Variants in PCCA observed in about 807,000 individuals in gnomAD.
PCCA encodes propionyl-CoA carboxylase subunit alpha, also known as propionyl-CoA carboxylase alpha chain, mitochondrial.
PCCA carries 74 observed loss-of-function variants against 101.3 expected under a neutral mutation model. That is an observed-to-expected ratio of 0.73 (90% CI 0.61 to 0.89). The LOEUF (loss-of-function observed/expected upper bound fraction) is 0.89. Ranked by LOEUF, PCCA falls within the 40% of genes least tolerant of loss-of-function variation. The probability of loss-of-function intolerance (pLI) is 0.00; values close to 1 mark genes in which losing one functional copy is unlikely to be tolerated. For missense variants in PCCA, 891 were observed against 907.0 expected (o/e 0.98, Z 0.23); for synonymous variants, 294 against 313.6 (o/e 0.94, Z 0.66).
intron 16 of PCCA, among the ~76,000 whole-genome samples, chr13:100,314,400 G>C (rs2067167408): frequency 6.6e-6 from 1 of 152,064 alleles, no homozygotes; most frequent in African/African-American, 2.4e-5. Flanking sequence ...TGACTAGGTA[G>C]GCATGATTGA....
intron 12 of PCCA, among the ~76,000 whole-genome samples, chr13:100,300,553 TA>T (rs1004373618): frequency 6.6e-6 from 1 of 152,204 alleles, no homozygotes; most frequent in African/African-American, 2.4e-5. Flanking sequence ...ACTTAATTTT[TA>T]TGAGAAAAAA....
chr13:100,257,468 T>C, intron 8 of PCCA, 127 bp from the exon 9 acceptor site: 1 of 752,156 alleles, frequency 1.3e-6, no homozygotes, highest in Non-Finnish European at 2.3e-6. Flanking sequence ...TTCCTGACTC[T>C]AAAGAAAGGA....
At chr13:100,278,757 C>T (rs573532391) in intron 12 of PCCA, among the ~76,000 whole-genome samples, 4 of 152,250 alleles carry the variant, frequency 2.6e-5, no homozygotes, top group East Asian at 1.9e-4. Context: ...GTATTACAGG[C>T]GTGAGCCTCC....
intron 19 of PCCA, among the ~76,000 whole-genome samples, chr13:100,415,796 G>C (rs939199035): frequency 6.6e-6 from 1 of 152,142 alleles, no homozygotes; most frequent in African/African-American, 2.4e-5. Flanking sequence ...ATTGTTTTTG[G>C]AAATAGTTTT....
At chr13:100,151,064 C>T (rs879136089) in intron 4 of PCCA, 7 of 1,554,472 alleles carry the variant, frequency 4.5e-6, no homozygotes, top group South Asian at 4.5e-5. Flanking sequence ...CTGCTTTCTC[C>T]GTAGCTCCTG....
intron 21 of PCCA, among the ~76,000 whole-genome samples, chr13:100,462,952 T>C (rs1248358159): frequency 6.6e-6 from 1 of 152,158 alleles, no homozygotes; most frequent in Non-Finnish European, 1.5e-5. Context: ...AGTTTTTCAG[T>C]GTTTATAGCT....
In PCCA at chr13:100,163,817, C is replaced by T. The variant is rs1167964756; in HGVS notation, c.468+6477C>T. On this transcript the variant is annotated intron_variant, in intron 6 of 23. Transcript: ENST00000376285. ...TCTCCCCTTTTTTTCCTTCTGTTTT[C>T]CTTTTCTGACTTGGATTATTTTAGT... 2.6e-5 allele frequency among the ~76,000 whole-genome samples: 4 copies of T among 151,978 alleles called. No homozygotes were observed. The East Asian group carries it at 7.7e-4, about 29-fold the overall frequency.
At chr13:100,438,618 A>G (rs1376213600) in intron 20 of PCCA, among the ~76,000 whole-genome samples, 1 of 151,964 alleles carries the variant, frequency 6.6e-6, no homozygotes, top group Non-Finnish European at 1.5e-5. Context: ...TTGCCTCTGT[A>G]GAGCACGTAC....
At chr13:100,151,203 C>T in intron 4 of PCCA, 1 of 638,400 alleles carries the variant, frequency 1.6e-6, no homozygotes, top group South Asian at 2.1e-5. Flanking sequence ...ATGAAAAACA[C>T]ATCTGTTGTT....
At chr13:100,448,929 T>G (rs186103640) in intron 20 of PCCA, among the ~76,000 whole-genome samples, 6 of 152,308 alleles carry the variant, frequency 3.9e-5, no homozygotes, top group Admixed American at 3.3e-4. Context: ...CCACACCAAT[T>G]AGCAGTCATC....
At chr13:100,159,118 T>C (rs968447928) in intron 6 of PCCA, among the ~76,000 whole-genome samples, 2 of 112,762 alleles carry the variant, frequency 1.8e-5, no homozygotes, top group African/African-American at 7.2e-5. Flanking sequence ...TTTTGAGACA[T>C]AGCCTTGCTC....
At chr13:100,178,950 G>A (rs1344211985) in intron 6 of PCCA, among the ~76,000 whole-genome samples, 2 of 151,420 alleles carry the variant, frequency 1.3e-5, no homozygotes, top group Admixed American at 6.6e-5. Flanking sequence ...GGTGGCAGGC[G>A]CCTGTAATCC....
chr13:100,124,503 G>C (rs2049756168), intron 4 of PCCA, among the ~76,000 whole-genome samples: 1 of 152,128 alleles, frequency 6.6e-6, no homozygotes, highest in Non-Finnish European at 1.5e-5. Context: ...AGATTGAGTG[G>C]GGTTTCCTGT....
intron 7 of PCCA, among the ~76,000 whole-genome samples, chr13:100,211,334 A>G (rs1432083744): frequency 6.6e-6 from 1 of 152,064 alleles, no homozygotes; most frequent in Non-Finnish European, 1.5e-5. Context: ...TCATTTCTGT[A>G]TCTTTCACTT....
At chr13:100,153,559 A>G (rs1400392705) in intron 4 of PCCA, among the ~76,000 whole-genome samples, 1 of 152,234 alleles carries the variant, frequency 6.6e-6, no homozygotes, top group Non-Finnish European at 1.5e-5. Flanking sequence ...TACAATCACA[A>G]TTACAACAAC....
At chr13:100,162,781 T>A (rs2152398053) in intron 6 of PCCA, among the ~76,000 whole-genome samples, 1 of 152,294 alleles carries the variant, frequency 6.6e-6, no homozygotes, top group East Asian at 1.9e-4. Flanking sequence ...TCGTTGATAT[T>A]CTTAAGTGGA....
chr13:100,308,520 T>C (rs1402619566), intron 15 of PCCA, among the ~76,000 whole-genome samples: 2 of 151,776 alleles, frequency 1.3e-5, no homozygotes, highest in Non-Finnish European at 2.9e-5. Context: ...GAAATGGGGC[T>C]TCCTCATGTT....
chr13:100,387,217 A>C (rs1202038363), intron 19 of PCCA, among the ~76,000 whole-genome samples: 1 of 152,208 alleles, frequency 6.6e-6, no homozygotes, highest in Non-Finnish European at 1.5e-5. Flanking sequence ...TGAATTAAGA[A>C]ATTGGAAAAA....
chr13:100,217,622 T>TA (rs1328109684), intron 7 of PCCA, among the ~76,000 whole-genome samples: 1 of 151,112 alleles, frequency 6.6e-6, no homozygotes, highest in Admixed American at 6.6e-5. Context: ...ATATGCTTCT[T>TA]AAAAAAATCC....
Sources: allele counts gnomAD v4.1 joint callset (sites outside exome capture counted in the v4.1 genomes callset), GRCh38; gene constraint gnomAD v4.1.1; transcripts MANE v1.5; gene names NCBI Gene and HGNC (gene_info 2026-07-23, HGNC 2026-07-21).